Variants in SPAG16 observed in about 807,000 individuals in gnomAD.
SPAG16 encodes the protein sperm associated antigen 16.
A neutral mutation model predicts 80.4 loss-of-function variants in SPAG16; 86 were observed. The observed-to-expected ratio is 1.07, with a 90% CI of 0.90 to 1.28. The LOEUF is 1.28. Ranked by LOEUF, SPAG16 falls within the 50% of genes most tolerant of loss-of-function variation. The pLI, the probability that SPAG16 is intolerant of heterozygous loss-of-function variation, is 0.00. For synonymous variants in SPAG16, 294 were observed against 265.9 expected, an observed-to-expected ratio of 1.11 and a Z score of -1.03; for missense variants, 870 against 765.3, an observed-to-expected ratio of 1.14 and a Z score of -1.61.
At chr2:214,395,541 TTTTA>T (rs1283120159) in intron 15 of SPAG16, among the ~76,000 whole-genome samples, 3 of 152,162 alleles carry the variant, frequency 2.0e-5, no homozygotes, top group East Asian at 1.9e-4. Flanking sequence ...TTATGGTAAG[TTTTA>T]TTTTAGTTTC....
Position 213,685,931 on chromosome 2 carries a change from C to T in SPAG16, c.1071-176554C>T, listed in dbSNP as rs374544963. Among the ~76,000 whole-genome samples, 17 of 152,212 alleles carry T rather than the reference C, an allele frequency of 1.1e-4. No homozygotes were observed. The East Asian group carries it at 1.4e-3, about 12-fold the overall frequency. On this transcript the variant is annotated intron_variant, in intron 10 of 15. Coordinates refer to ENST00000331683, the MANE Select transcript of SPAG16 (RefSeq NM_024532.5). ...TCAATCTCTATTAAAAACTGGTTTT[C>T]GTTAACAGATTGAGGAGTAGTTGGC...
Position 214,385,259 on chromosome 2 carries a change from T to C in SPAG16, c.1721-24881T>C, listed in dbSNP as rs1700683560. 1.3e-5 allele frequency among the ~76,000 whole-genome samples: 2 copies of C among 152,170 alleles called. 1 individual carries two copies. The highest frequency in any genetic ancestry group is 4.1e-4 in the South Asian group (2 of 4,836). ...TTAGTGCCTCATTTGTAAAATGGGG[T>C]GAAAGATAACAGTCCCTACCTTTGG... On this transcript the variant is annotated intron_variant, in intron 15 of 15. Transcript: ENST00000331683.
At chr2:213,985,700 T>G (rs1319870564) in intron 12 of SPAG16, among the ~76,000 whole-genome samples, 1 of 151,962 alleles carries the variant, frequency 6.6e-6, no homozygotes, top group African/African-American at 2.4e-5. Context: ...TCAGCACTCT[T>G]AGGGTGTGTG....
intron 9 of SPAG16, among the ~76,000 whole-genome samples, chr2:213,414,383 C>T (rs376334877): frequency 1.3e-3 from 205 of 152,134 alleles, no homozygotes; most frequent in South Asian, 3.5e-3. Flanking sequence ...ATTAATTAGA[C>T]ATTTTTTACT....
chr2:213,697,843 A>G (rs1288234844), intron 10 of SPAG16, among the ~76,000 whole-genome samples: 1 of 152,196 alleles, frequency 6.6e-6, no homozygotes, highest in East Asian at 1.9e-4. Flanking sequence ...TTAATAAACA[A>G]AAAACCACAG....
intron 15 of SPAG16, among the ~76,000 whole-genome samples, chr2:214,360,087 C>T (rs949143405): frequency 1.3e-5 from 2 of 151,800 alleles, no homozygotes; most frequent in African/African-American, 2.4e-5. Flanking sequence ...CAGTCAGCTA[C>T]AAATCACCAC....
intron 5 of SPAG16, among the ~76,000 whole-genome samples, chr2:213,320,381 C>T (rs529807924): frequency 1.3e-5 from 2 of 151,990 alleles, no homozygotes; most frequent in East Asian, 3.9e-4. Flanking sequence ...TATCCATCAC[C>T]TCAAACATTT....
intron 9 of SPAG16, among the ~76,000 whole-genome samples, chr2:213,450,829 A>G (rs776018661): frequency 4.6e-5 from 7 of 152,168 alleles, no homozygotes; most frequent in Non-Finnish European, 1.0e-4. Context: ...TTCCATACAT[A>G]TAATTTTTTT....
At chr2:214,349,162 C>T (rs1274700345) in intron 15 of SPAG16, among the ~76,000 whole-genome samples, 2 of 152,266 alleles carry the variant, frequency 1.3e-5, no homozygotes, top group East Asian at 1.9e-4. Flanking sequence ...TGCATGTGTA[C>T]ATTCAAGGCC....
intron 13 of SPAG16, among the ~76,000 whole-genome samples, chr2:214,019,276 G>A (rs2047739008): frequency 9.3e-6 from 1 of 107,602 alleles, no homozygotes; most frequent in Admixed American, 8.9e-5. Context: ...AAAATATTAA[G>A]GCTTTTTTTT....
At chr2:213,906,806 T>C (rs2077452603) in intron 11 of SPAG16, among the ~76,000 whole-genome samples, 1 of 152,060 alleles carries the variant, frequency 6.6e-6, no homozygotes, top group South Asian at 2.1e-4. Context: ...GCAAATAATA[T>C]CCATTTGTGA....
At chr2:213,377,341 ATG>A (rs1189433841) in intron 9 of SPAG16, among the ~76,000 whole-genome samples, 1 of 152,216 alleles carries the variant, frequency 6.6e-6, no homozygotes, top group African/African-American at 2.4e-5. Context: ...AACTTTATTT[ATG>A]TGACCTACTG....
At chr2:213,470,337 G>A (rs1443716764) in intron 9 of SPAG16, among the ~76,000 whole-genome samples, 1 of 152,160 alleles carries the variant, frequency 6.6e-6, no homozygotes, top group Non-Finnish European at 1.5e-5. Context: ...CTTGGTCAGA[G>A]GCAATGCTGT....
At chr2:214,303,631 T>C (rs1694712225) in intron 15 of SPAG16, among the ~76,000 whole-genome samples, 1 of 152,192 alleles carries the variant, frequency 6.6e-6, no homozygotes, top group Non-Finnish European at 1.5e-5. Flanking sequence ...ATCTTCCAAG[T>C]GTCCTCTGAA....
intron 14 of SPAG16, among the ~76,000 whole-genome samples, chr2:214,115,963 A>G (rs1412431990): frequency 6.6e-6 from 1 of 151,634 alleles, no homozygotes; most frequent in African/African-American, 2.4e-5. Flanking sequence ...TATCAGCAGG[A>G]GTTTCAGGAT....
intron 10 of SPAG16, among the ~76,000 whole-genome samples, chr2:213,837,494 A>G (rs188807996): frequency 5.9e-5 from 9 of 152,362 alleles, no homozygotes; most frequent in Admixed American, 2.0e-4. Context: ...ATTTTATACA[A>G]TTTTAAAATG....
intron 15 of SPAG16, among the ~76,000 whole-genome samples, chr2:214,267,427 A>C (rs1383605487): frequency 6.6e-6 from 1 of 151,846 alleles, no homozygotes; most frequent in Non-Finnish European, 1.5e-5. Flanking sequence ...TGATATTAGG[A>C]ATACTGGATA....
intron 12 of SPAG16, among the ~76,000 whole-genome samples, chr2:213,942,456 A>G (rs1383593883): frequency 6.6e-6 from 1 of 152,236 alleles, no homozygotes; most frequent in African/African-American, 2.4e-5. Flanking sequence ...AGAAATCAGA[A>G]GAACATTTTT....
At chr2:213,322,346 AAAAAAAAAAAC>A (rs1339357353) in intron 5 of SPAG16, among the ~76,000 whole-genome samples, 2 of 118,856 alleles carry the variant, frequency 1.7e-5, no homozygotes, top group Non-Finnish European at 3.4e-5. Context: ...AAAAAAAAAA[AAAAAAAAAAAC>A]AAAAAACTCG....
Sources: gnomAD v4.1 joint callset for allele counts (sites outside exome capture counted in the v4.1 genomes callset) on GRCh38, gnomAD v4.1.1 for gene constraint, MANE v1.5 for transcripts, NCBI Gene and HGNC (gene_info 2026-07-23, HGNC 2026-07-21) for gene names.